MYO5B: variants seen among roughly 807,000 people sequenced by gnomAD.
The protein encoded by MYO5B is myosin VB.
MYO5B carries 143 observed loss-of-function variants against 229.3 expected under a neutral mutation model. That is an observed-to-expected ratio of 0.62 (90% confidence interval 0.54 to 0.72). MYO5B has a LOEUF of 0.72. Among genes scored for constraint, MYO5B ranks in the 30% least tolerant of loss-of-function variants. The pLI is 0.00. For synonymous variants in MYO5B, 918 were observed against 885.2 expected, an observed-to-expected ratio of 1.04 and a Z score of -0.66; for missense variants, 2,321 against 2,331.0, an observed-to-expected ratio of 1.00 and a Z score of 0.09.
intron 1 of MYO5B, among the ~76,000 whole-genome samples, chr18:50,170,760 T>A (rs1390529469): frequency 1.6e-5 from 2 of 127,794 alleles, no homozygotes; most frequent in African/African-American, 5.9e-5. Flanking sequence ...ACATAGTATA[T>A]CGTTAACAAC....
intron 39 of MYO5B, among the ~76,000 whole-genome samples, chr18:49,831,821 A>T (rs1184294601): frequency 6.6e-6 from 1 of 152,240 alleles, no homozygotes; most frequent in African/African-American, 2.4e-5. Context: ...TAGCGGCATG[A>T]TTCCCAATAG....
At chr18:50,102,759 C>T (rs2031679881) in intron 1 of MYO5B, among the ~76,000 whole-genome samples, 1 of 151,984 alleles carries the variant, frequency 6.6e-6, no homozygotes, top group Non-Finnish European at 1.5e-5. Context: ...CAGTGTTCTA[C>T]ATGCACATTA....
At chr18:49,875,519 G>T (rs2024509097) in intron 26 of MYO5B, among the ~76,000 whole-genome samples, 168 bp downstream of exon 26, 1 of 152,096 alleles carries the variant, frequency 6.6e-6, no homozygotes, top group African/African-American at 2.4e-5. Context: ...CGGTGTAGGG[G>T]CACTCAGAGA....
At chr18:49,888,613 A>G (rs1787548) in intron 22 of MYO5B, among the ~76,000 whole-genome samples, 88,269 of 151,876 alleles carry the variant, frequency 0.58, 25,799 homozygotes, top group Middle Eastern at 0.66. Flanking sequence ...TAGAGGGAGG[A>G]AGAATCAGCT....
chr18:50,037,375 T>G (rs1013828368), intron 3 of MYO5B, among the ~76,000 whole-genome samples: 2 of 152,166 alleles, frequency 1.3e-5, no homozygotes, highest in African/African-American at 4.8e-5. Flanking sequence ...AGAACTAAAA[T>G]CTGGGAAAGG....
At position 49,843,315 on chromosome 18, in the gene MYO5B, C is replaced by A. The variant is rs1400284029; in HGVS notation, c.4537G>T (p.Asp1513Tyr). 6.2e-7 allele frequency: 1 copy of A among 1,614,116 alleles called. No homozygotes were observed. Among genetic ancestry groups the A allele is most frequent in the Non-Finnish European group, 8.5e-7 (1 of 1,180,024 alleles). ...ACCTTGAGATCGTCGTTGGTGTAGTCCGCGTGCCGGATGCACATGTAGAGG... is the reference window on the plus strand; with the variant it reads ...ACCTTGAGATCGTCGTTGGTGTAGTACGCGTGCCGGATGCACATGTAGAGG... Reference protein sequence around the residue: ...YILYMCIRHADYTNDDLKVHS... With the variant: ...YILYMCIRHAYYTNDDLKVHS... Residue 1513 changes from aspartate to tyrosine, a missense_variant, in exon 34 of 40, where the codon GAC becomes TAC. Physicochemically the swap from Asp to Tyr is radical, Grantham distance 160 (BLOSUM62 -3). Transcript: ENST00000285039.
chr18:50,188,785 TAAAAAAAAAAAAA>T (rs4042094), intron 1 of MYO5B, among the ~76,000 whole-genome samples: 5,503 of 105,364 alleles, frequency 0.052, 235 homozygotes, highest in South Asian at 0.21. Context: ...GACTCTGTCA[TAAAAAAAAAAAAA>T]AAAAAAAAAA....
At chr18:49,997,541 C>T (rs562981922) in intron 5 of MYO5B, among the ~76,000 whole-genome samples, 1 of 151,954 alleles carries the variant, frequency 6.6e-6, no homozygotes, top group East Asian at 1.9e-4. Flanking sequence ...GATGTGATAT[C>T]TCTGGCCTAA....
At chr18:50,138,757 T>C (rs1367367041) in intron 1 of MYO5B, among the ~76,000 whole-genome samples, 2 of 152,220 alleles carry the variant, frequency 1.3e-5, no homozygotes, top group African/African-American at 2.4e-5. Context: ...ACCCTTGTTA[T>C]CCACAGATGA....
intron 17 of MYO5B, among the ~76,000 whole-genome samples, chr18:49,926,341 C>T (rs1213534981): frequency 1.3e-5 from 2 of 152,196 alleles, no homozygotes; most frequent in African/African-American, 4.8e-5. Flanking sequence ...GAAATGGTTC[C>T]TCCACTACAG....
At chr18:49,996,593 C>T (rs73442567) in intron 5 of MYO5B, among the ~76,000 whole-genome samples, 1,926 of 152,108 alleles carry the variant, frequency 0.013, 41 homozygotes, top group African/African-American at 0.044. Context: ...ACAATCTTTT[C>T]GATGCATACA....
intron 34 of MYO5B, among the ~76,000 whole-genome samples, 176 bp from the exon 35 acceptor site, chr18:49,841,630 G>C (rs1008982325): frequency 2.0e-5 from 3 of 152,208 alleles, no homozygotes; most frequent in African/African-American, 7.2e-5. Context: ...GGCTGTGTGA[G>C]TGTTCCTCTA....
intron 1 of MYO5B, among the ~76,000 whole-genome samples, chr18:50,059,704 C>T (rs971557260): frequency 1.3e-5 from 2 of 152,210 alleles, no homozygotes; most frequent in African/African-American, 2.4e-5. Flanking sequence ...GCCACCTCCC[C>T]GCTCTGCCTC....
intron 4 of MYO5B, among the ~76,000 whole-genome samples, chr18:50,008,456 A>AGTT (rs1323519876): frequency 6.6e-6 from 1 of 152,138 alleles, no homozygotes; most frequent in Non-Finnish European, 1.5e-5. Flanking sequence ...GCCCCCTTCG[A>AGTT]GTTGTACAAG....
chr18:50,150,305 C>G (rs1389291198), intron 1 of MYO5B, among the ~76,000 whole-genome samples: 3 of 144,648 alleles, frequency 2.1e-5, no homozygotes, highest in East Asian at 4.1e-4. Flanking sequence ...ACTAGAAATA[C>G]CTTTTGACCC....
intron 4 of MYO5B, among the ~76,000 whole-genome samples, chr18:50,030,801 T>C (rs913033860): frequency 6.0e-5 from 8 of 133,488 alleles, no homozygotes; most frequent in African/African-American, 2.3e-4. Context: ...CAGAGACAGA[T>C]GGGAATGTGG....
chr18:50,040,321 A>T lies in MYO5B; in HGVS notation c.139-7T>A. 1 of 1,613,972 alleles carries T rather than the reference A, an allele frequency of 6.2e-7. No homozygotes were observed. On this transcript the variant is annotated splice_polypyrimidine_tract_variant and splice_region_variant and intron_variant, in intron 2 of 39. Coordinates refer to ENST00000285039, the MANE Select transcript of MYO5B (RefSeq NM_001080467.3). The stretch of plus-strand genomic sequence containing the variant: ...CAATTGGGTATTCCAGAATCTAAAG[A>T]CATGCAAGTAGCAGACACAAAAAGG...
chr18:49,849,785 C>G, intron 31 of MYO5B, 125 bp from the exon 32 acceptor site: 1 of 779,034 alleles, frequency 1.3e-6, no homozygotes, highest in South Asian at 1.4e-5. Flanking sequence ...ATGCGCCAGT[C>G]AGGGACGCTG....
At position 49,844,406 on chromosome 18, in the gene MYO5B, A is replaced by G. The variant is rs2282626; in HGVS notation, c.4460-1014T>C. 3.1e-3 allele frequency among the ~76,000 whole-genome samples: 479 copies of G among 152,226 alleles called. 13 individuals are homozygous for G. In the East Asian group the frequency reaches 0.074, roughly 23 times the overall value. On this transcript the variant is annotated intron_variant, in intron 33 of 39. Coordinates refer to ENST00000285039, the MANE Select transcript of MYO5B (RefSeq NM_001080467.3). Reference sequence around the variant, plus strand: ...TTGTTCTTTACACTCATACCCTCCCAAACGAGGCCTCATGAGCCACCTGTA... The same window carrying G: ...TTGTTCTTTACACTCATACCCTCCCGAACGAGGCCTCATGAGCCACCTGTA...
Sources: gnomAD v4.1 joint callset for allele counts (sites outside exome capture counted in the v4.1 genomes callset) on GRCh38, gnomAD v4.1.1 for gene constraint, MANE v1.5 for transcripts, NCBI Gene and HGNC (gene_info 2026-07-23, HGNC 2026-07-21) for gene names.